The following AGBL4 variants were observed in gnomAD, a reference collection of about 807,000 sequenced individuals.
AGBL4 encodes AGBL carboxypeptidase 4, also known as cytosolic carboxypeptidase 6.
AGBL4 carries 58 observed loss-of-function variants against 66.4 expected under a neutral mutation model. That is an observed-to-expected ratio of 0.87 (90% CI 0.71 to 1.09). The LOEUF is 1.09. AGBL4 is among the 50% of genes least tolerant of loss of function. The pLI, the probability that AGBL4 is intolerant of heterozygous loss-of-function variation, is 0.00. For synonymous variants in AGBL4, 234 were observed against 222.9 expected (o/e 1.05, Z -0.44); for missense variants, 579 against 631.0 (o/e 0.92, Z 0.88).
At chr1:49,112,436 T>G (rs1339395029) in intron 4 of AGBL4, among the ~76,000 whole-genome samples, 1 of 152,236 alleles carries the variant, frequency 6.6e-6, no homozygotes, top group Non-Finnish European at 1.5e-5. Flanking sequence ...TTGGAGTAGC[T>G]GTGGCAATTC....
chr1:49,377,776 T>C (rs1314927461), intron 3 of AGBL4, among the ~76,000 whole-genome samples: 2 of 152,002 alleles, frequency 1.3e-5, no homozygotes, highest in African/African-American at 4.8e-5. Flanking sequence ...CTGGTGAGAA[T>C]CCTGAGCTAA....
chr1:49,764,781 A>C (rs568757995), intron 2 of AGBL4, among the ~76,000 whole-genome samples: 68 of 152,290 alleles, frequency 4.5e-4, no homozygotes, highest in African/African-American at 1.6e-3. Flanking sequence ...AAAGTTATCT[A>C]ATTCAGGCTG....
chr1:49,219,432 G>C (rs1649328563), intron 4 of AGBL4, among the ~76,000 whole-genome samples: 1 of 152,006 alleles, frequency 6.6e-6, no homozygotes, highest in East Asian at 1.9e-4. Flanking sequence ...TCTGAGTTTT[G>C]CCACAGTTTC....
intron 5 of AGBL4, among the ~76,000 whole-genome samples, chr1:48,898,485 T>C (rs1347721097): frequency 6.6e-6 from 1 of 152,196 alleles, no homozygotes; most frequent in African/African-American, 2.4e-5. Context: ...TTGTGTATGG[T>C]GAGAGAGAGG....
intron 3 of AGBL4, among the ~76,000 whole-genome samples, chr1:49,316,784 T>C (rs938843499): frequency 1.6e-4 from 24 of 151,890 alleles, no homozygotes; most frequent in African/African-American, 5.8e-4. Flanking sequence ...TTTGTCCTAC[T>C]AAAATAATCA....
chr1:48,642,234 A>G (rs1645767808), intron 8 of AGBL4, among the ~76,000 whole-genome samples: 1 of 152,146 alleles, frequency 6.6e-6, no homozygotes, highest in Non-Finnish European at 1.5e-5. Flanking sequence ...TTCTTCTTCC[A>G]AGGTTCATTC....
chr1:48,660,061 C>T (rs1208598528), intron 7 of AGBL4, among the ~76,000 whole-genome samples: 2 of 152,242 alleles, frequency 1.3e-5, no homozygotes, highest in Non-Finnish European at 2.9e-5. Context: ...GGATGGCGCT[C>T]TCACATGGCT....
intron 4 of AGBL4, among the ~76,000 whole-genome samples, chr1:49,150,182 T>G (rs1191460907): frequency 6.6e-6 from 1 of 152,150 alleles, no homozygotes; most frequent in Non-Finnish European, 1.5e-5. Context: ...GCTAGTGACT[T>G]AACTATGGAA....
At chr1:49,173,914 T>C (rs1646784335) in intron 4 of AGBL4, among the ~76,000 whole-genome samples, 1 of 152,094 alleles carries the variant, frequency 6.6e-6, no homozygotes, top group Non-Finnish European at 1.5e-5. Flanking sequence ...TGTTTAAGGA[T>C]AGAGTGATCA....
At chr1:49,013,665 T>C (rs1662612733) in intron 5 of AGBL4, among the ~76,000 whole-genome samples, 1 of 152,138 alleles carries the variant, frequency 6.6e-6, no homozygotes. Context: ...AATTCCCACC[T>C]CTCTGGGTAG....
intron 2 of AGBL4, among the ~76,000 whole-genome samples, chr1:49,799,472 A>T (rs1023835847): frequency 2.6e-5 from 4 of 152,176 alleles, no homozygotes; most frequent in Non-Finnish European, 4.4e-5. Flanking sequence ...CATTGGAAAG[A>T]TCTGAGAAAG....
chr1:49,478,256 C>A (rs184881470), intron 3 of AGBL4, among the ~76,000 whole-genome samples: 57 of 150,706 alleles, frequency 3.8e-4, no homozygotes, highest in African/African-American at 1.2e-3. Flanking sequence ...AAGACTAACT[C>A]AAGACATTTA....
At chr1:48,896,467 T>A (rs1320493380) in intron 5 of AGBL4, among the ~76,000 whole-genome samples, 1 of 152,250 alleles carries the variant, frequency 6.6e-6, no homozygotes, top group Non-Finnish European at 1.5e-5. Flanking sequence ...CTGGCCTATG[T>A]AGCTTAATTA....
chr1:49,304,663 G>C (rs930114063), intron 3 of AGBL4, among the ~76,000 whole-genome samples: 1 of 152,082 alleles, frequency 6.6e-6, no homozygotes, highest in African/African-American at 2.4e-5. Flanking sequence ...TTTGCATTGT[G>C]AAATGCAAAT....
At chr1:48,935,383 C>A (rs749010880) in intron 5 of AGBL4, among the ~76,000 whole-genome samples, 196 of 152,128 alleles carry the variant, frequency 1.3e-3, no homozygotes, top group Non-Finnish European at 2.5e-3. Flanking sequence ...GCTCCCTTTT[C>A]TCTGAAATCA....
intron 1 of AGBL4, among the ~76,000 whole-genome samples, chr1:49,852,594 C>T (rs1025606793): frequency 4.6e-5 from 7 of 151,940 alleles, no homozygotes; most frequent in African/African-American, 9.7e-5. Flanking sequence ...CAGCCTTACA[C>T]GACTAGGGGA....
At chr1:49,154,164 G>A (rs1040870817) in intron 4 of AGBL4, among the ~76,000 whole-genome samples, 3 of 152,008 alleles carry the variant, frequency 2.0e-5, no homozygotes, top group Non-Finnish European at 2.9e-5. Context: ...AACAATTAAC[G>A]TTGTCTATGG....
At chr1:48,816,723 A>T (rs940463439) in intron 6 of AGBL4, among the ~76,000 whole-genome samples, 1 of 152,194 alleles carries the variant, frequency 6.6e-6, no homozygotes, top group Admixed American at 6.5e-5. Flanking sequence ...ACAGTAATTC[A>T]ACAAATGTTT....
At chr1:48,923,745 T>C (rs1654288511) in intron 5 of AGBL4, among the ~76,000 whole-genome samples, 1 of 152,190 alleles carries the variant, frequency 6.6e-6, no homozygotes, top group African/African-American at 2.4e-5. Context: ...TTCATTATGG[T>C]CTAACATTTA....
Sources: allele counts gnomAD v4.1 joint callset (sites outside exome capture counted in the v4.1 genomes callset), GRCh38; gene constraint gnomAD v4.1.1; transcripts MANE v1.5; gene names NCBI Gene and HGNC (gene_info 2026-07-23, HGNC 2026-07-21).